The following CACNG6 variants were observed in gnomAD, a reference collection of about 807,000 sequenced individuals.
CACNG6 encodes calcium voltage-gated channel auxiliary subunit gamma 6.
Under a neutral mutation model 23.9 loss-of-function variants are expected in CACNG6, and 21 were observed. That is an observed-to-expected ratio of 0.88 (90% CI 0.62 to 1.26). The LOEUF is 1.26. Among genes scored for constraint, CACNG6 ranks in the 50% most tolerant of loss-of-function variants. The pLI is 0.00. For synonymous variants in CACNG6, 182 were observed against 168.9 expected, an observed-to-expected ratio of 1.08 and a Z score of -0.60; for missense variants, 340 against 352.9, an observed-to-expected ratio of 0.96 and a Z score of 0.29.
chr19:53,996,633 T>C (rs2069524056), intron 1 of CACNG6, among the ~76,000 whole-genome samples: 1 of 152,150 alleles, frequency 6.6e-6, no homozygotes, highest in African/African-American at 2.4e-5. Flanking sequence ...CCCCAAGTGA[T>C]CTGCCTGCCT....
chr19:54,006,522 C>CT (rs766609552), intron 3 of CACNG6, among the ~76,000 whole-genome samples: 3,895 of 34,118 alleles, frequency 0.11, 78 homozygotes, highest in Middle Eastern at 0.22. Context: ...TCTTTCTTTT[C>CT]TTTTTTTTTT....
chr19:53,998,178 C>T (rs1331137823), intron 1 of CACNG6, 61 bp from the exon 2 acceptor site: 1 of 1,467,196 alleles, frequency 6.8e-7, no homozygotes, highest in Non-Finnish European at 9.5e-7. Flanking sequence ...ACTGTCCAGC[C>T]CTGAGCTTAC....
chr19:53,992,871 C>T lies in CACNG6; in HGVS notation c.-7C>T, dbSNP rs757631037. On this transcript the variant is annotated 5_prime_UTR_variant, in exon 1 of 4. Transcript: ENST00000252729. This position sits in a 1 kb window ranked among gnomAD's most constrained non-coding sequence, Gnocchi z 4.1. ...TCCTCCCCCTTCCCGACCCCACCGG[C>T]CATAAGATGATGTGGTCCAACTTCT... 1.4e-6 allele frequency: 2 copies of T among 1,389,728 alleles called. No homozygotes were observed. Among genetic ancestry groups the T allele is most frequent in the Non-Finnish European group, 1.9e-6 (2 of 1,071,520 alleles). 86.1% of individuals were successfully genotyped at this position (1,389,728 alleles called of 1,614,324 possible). A position where few individuals can be genotyped will look rare whatever the true frequency, so the allele number is the denominator to read the frequency against.
At position 53,993,230 on chromosome 19, in the gene CACNG6, C is replaced by A. The variant is rs953234470; in HGVS notation, c.331+22C>A. The stretch of plus-strand genomic sequence containing the variant: ...GGAGGTGAGCAGCCGCCGCCCCGAG[C>A]GCAGGGCTTGCGTCCCACGGACAGG... On this transcript the variant is annotated intron_variant, in intron 1 of 3. Transcript: ENST00000252729. The A allele has an allele frequency of 3.9e-6, 6 of 1,524,912 alleles. No homozygotes were observed. The Admixed American group carries it at 1.2e-4, about 31-fold the overall frequency. The allele number at this position is 1,524,912 out of a possible 1,614,324, so 94.5% of individuals were successfully genotyped here. A position where few individuals can be genotyped will look rare whatever the true frequency, so the allele number is the denominator to read the frequency against.
intron 3 of CACNG6, among the ~76,000 whole-genome samples, chr19:54,002,694 A>G (rs922515): frequency 0.2 from 30,886 of 152,014 alleles, 6,117 homozygotes; most frequent in African/African-American, 0.51. Flanking sequence ...TGCACAGGAA[A>G]CTGTTGATAT....
intron 3 of CACNG6, among the ~76,000 whole-genome samples, chr19:54,008,398 A>G (rs2069669576): frequency 6.6e-6 from 1 of 152,046 alleles, no homozygotes; most frequent in South Asian, 2.1e-4. Context: ...AAAAAACACC[A>G]CAGTGGGGCT....
intron 3 of CACNG6, among the ~76,000 whole-genome samples, chr19:54,009,928 AAAAAAT>A (rs951019385): frequency 5.9e-5 from 9 of 151,846 alleles, no homozygotes; most frequent in African/African-American, 2.2e-4. Context: ...CGTCTCAAAA[AAAAAAT>A]AAAAAATAAA....
chr19:53,994,179 G>A (rs989069457), intron 1 of CACNG6, among the ~76,000 whole-genome samples: 5 of 152,042 alleles, frequency 3.3e-5, no homozygotes, highest in Non-Finnish European at 7.4e-5. Flanking sequence ...GGAGACAGAC[G>A]CCCACCCCAA....
At chr19:54,011,317 T>C (rs1480594334) in intron 3 of CACNG6, among the ~76,000 whole-genome samples, 1 of 147,168 alleles carries the variant, frequency 6.8e-6, no homozygotes, top group Non-Finnish European at 1.5e-5. Flanking sequence ...GGAGAGTCGC[T>C]TGAACCCCAG....
At chr19:53,994,180 C>A (rs2069497839) in intron 1 of CACNG6, among the ~76,000 whole-genome samples, 1 of 152,126 alleles carries the variant, frequency 6.6e-6, no homozygotes, top group African/African-American at 2.4e-5. Flanking sequence ...GAGACAGACG[C>A]CCACCCCAAA....
intron 3 of CACNG6, among the ~76,000 whole-genome samples, chr19:54,000,735 C>T (rs1265613309): frequency 6.6e-6 from 1 of 152,088 alleles, no homozygotes; most frequent in African/African-American, 2.4e-5. Context: ...GGCACCACCA[C>T]GCCTGGCTAA....
intron 2 of CACNG6, among the ~76,000 whole-genome samples, 187 bp downstream of exon 2, chr19:53,998,500 TCTAGAGAAC>T (rs566931037): frequency 3.5e-4 from 50 of 141,620 alleles, no homozygotes; most frequent in African/African-American, 1.3e-3. Context: ...CTCTAGAGAA[TCTAGAGAAC>T]TCTTTTTTTT....
intron 3 of CACNG6, among the ~76,000 whole-genome samples, chr19:54,001,907 AC>A (rs2069579209): frequency 1.3e-5 from 2 of 152,114 alleles, no homozygotes; most frequent in African/African-American, 2.4e-5. Context: ...ATTGGGGCAA[AC>A]CTTTTTCTAT....
chr19:54,001,946 T>C (rs183411900), intron 3 of CACNG6, among the ~76,000 whole-genome samples: 3 of 152,300 alleles, frequency 2.0e-5, no homozygotes, highest in Admixed American at 2.0e-4. Context: ...CTTATAGCCA[T>C]GAACTCACTC....
chr19:54,002,266 G>GTTTTTTTTT (rs1477319879), intron 3 of CACNG6, among the ~76,000 whole-genome samples: 35 of 126,410 alleles, frequency 2.8e-4, no homozygotes, highest in Middle Eastern at 3.8e-3. Flanking sequence ...GCTAATTTTC[G>GTTTTTTTTT]GTTTTTTTGT....
intron 3 of CACNG6, among the ~76,000 whole-genome samples, chr19:54,008,354 A>T (rs1009190594): frequency 6.6e-6 from 1 of 152,176 alleles, no homozygotes; most frequent in African/African-American, 2.4e-5. Flanking sequence ...TTCCGACTCA[A>T]AACAAAACCA....
intron 3 of CACNG6, among the ~76,000 whole-genome samples, chr19:54,008,297 G>C (rs2069668382): frequency 6.6e-6 from 1 of 152,160 alleles, no homozygotes; most frequent in African/African-American, 2.4e-5. Context: ...AGGCTGCAGT[G>C]AGCTGAGATT....
At chr19:54,006,815 G>A (rs891768815) in intron 3 of CACNG6, among the ~76,000 whole-genome samples, 2 of 151,098 alleles carry the variant, frequency 1.3e-5, no homozygotes, top group Admixed American at 6.6e-5. Context: ...GACTACAGCC[G>A]TGAGCCACTG....
intron 3 of CACNG6, among the ~76,000 whole-genome samples, chr19:54,011,227 T>TACACACACACACACACACAC (rs1555819814): frequency 5.9e-4 from 56 of 95,274 alleles, no homozygotes; most frequent in African/African-American, 3.1e-3. Context: ...TATATATATA[T>TACACACACACACACACACAC]ACACACACAC....
Sources: gnomAD v4.1 joint callset for allele counts (sites outside exome capture counted in the v4.1 genomes callset) on GRCh38, gnomAD v4.1.1 for gene constraint, Gnocchi (gnomAD v3.1) non-coding constraint, MANE v1.5 for transcripts, NCBI Gene and HGNC (gene_info 2026-07-23, HGNC 2026-07-21) for gene names.